Variants in SCFD2 observed in about 807,000 individuals in gnomAD.
The protein encoded by SCFD2 is sec1 family domain containing 2.
A neutral mutation model predicts 58.9 loss-of-function variants in SCFD2; 54 were observed. The observed-to-expected ratio is 0.92, with a 90% confidence interval of 0.74 to 1.15. The LOEUF (loss-of-function observed/expected upper bound fraction) is 1.15. SCFD2 is among the 50% of genes most tolerant of loss of function. The pLI is 0.00. For missense variants in SCFD2, 805 were observed against 836.6 expected, an observed-to-expected ratio of 0.96 and a Z score of 0.47; for synonymous variants, 321 against 335.9, an observed-to-expected ratio of 0.96 and a Z score of 0.49.
At chr4:53,184,223 G>GA (rs1727674944) in intron 4 of SCFD2, among the ~76,000 whole-genome samples, 1 of 152,008 alleles carries the variant, frequency 6.6e-6, no homozygotes, top group Non-Finnish European at 1.5e-5. Context: ...GTTACCTAGG[G>GA]AAAAAGACCA....
At chr4:52,934,973 C>T (rs1720099212) in intron 5 of SCFD2, among the ~76,000 whole-genome samples, 1 of 152,202 alleles carries the variant, frequency 6.6e-6, no homozygotes, top group African/African-American at 2.4e-5. Flanking sequence ...TATACAGTAG[C>T]CGCTAGCTAC....
At chr4:53,139,682 C>A (rs539683051) in intron 5 of SCFD2, among the ~76,000 whole-genome samples, 6 of 152,174 alleles carry the variant, frequency 3.9e-5, no homozygotes, top group African/African-American at 1.4e-4. Context: ...CCCCTCTGCC[C>A]GGCCGCCACC....
chr4:53,247,618 G>C (rs921761834), intron 4 of SCFD2, among the ~76,000 whole-genome samples: 9 of 151,926 alleles, frequency 5.9e-5, no homozygotes, highest in Non-Finnish European at 1.0e-4. Flanking sequence ...CCAGCACTTT[G>C]GGAGGCCGAG....
chr4:53,107,981 A>T (rs558610191), intron 5 of SCFD2, among the ~76,000 whole-genome samples: 1 of 151,018 alleles, frequency 6.6e-6, no homozygotes, highest in South Asian at 2.1e-4. Flanking sequence ...TGGAAGTAAA[A>T]TACTCAGCAA....
At chr4:53,362,684 C>A (rs200714976) in intron 1 of SCFD2, among the ~76,000 whole-genome samples, 57 of 146,898 alleles carry the variant, frequency 3.9e-4, no homozygotes, top group Admixed American at 3.4e-4. Flanking sequence ...TAAAATAAAG[C>A]AAAAAAAAAA....
At chr4:52,986,957 T>C (rs1348823998) in intron 5 of SCFD2, among the ~76,000 whole-genome samples, 1 of 152,226 alleles carries the variant, frequency 6.6e-6, no homozygotes, top group Non-Finnish European at 1.5e-5. Flanking sequence ...GGCTCAGCCC[T>C]GGTGAGAATT....
chr4:53,024,472 G>A (rs565021995), intron 5 of SCFD2, among the ~76,000 whole-genome samples: 1 of 152,252 alleles, frequency 6.6e-6, no homozygotes, highest in East Asian at 1.9e-4. Flanking sequence ...ACATAAAGTA[G>A]GCAAGCTATA....
At chr4:52,982,157 A>T (rs2109568703) in intron 5 of SCFD2, among the ~76,000 whole-genome samples, 1 of 152,300 alleles carries the variant, frequency 6.6e-6, no homozygotes, top group South Asian at 2.1e-4. Flanking sequence ...ATGGGAGGCT[A>T]GAAGTGGAAG....
chr4:52,917,641 A>G (rs1367912174), intron 6 of SCFD2, among the ~76,000 whole-genome samples: 2 of 151,308 alleles, frequency 1.3e-5, no homozygotes, highest in Non-Finnish European at 2.9e-5. Flanking sequence ...CATTGCCCCC[A>G]CTCTCCAGGC....
chr4:53,115,578 T>C (rs1399292126), intron 5 of SCFD2, among the ~76,000 whole-genome samples: 1 of 152,136 alleles, frequency 6.6e-6, no homozygotes, highest in Non-Finnish European at 1.5e-5. Flanking sequence ...TCCCTAAAGC[T>C]GAATAAAGGC....
chr4:52,995,074 A>G (rs1333752583), intron 5 of SCFD2, among the ~76,000 whole-genome samples: 2 of 152,138 alleles, frequency 1.3e-5, no homozygotes, highest in African/African-American at 2.4e-5. Context: ...AGTGCATTAC[A>G]TTTACTGTGT....
chr4:53,048,670 G>A (rs1212637906), intron 5 of SCFD2, among the ~76,000 whole-genome samples: 1 of 152,234 alleles, frequency 6.6e-6, no homozygotes. Context: ...GAGCCTGAAA[G>A]GTCAGGGCTG....
chr4:52,964,451 G>T (rs541644377), intron 5 of SCFD2, among the ~76,000 whole-genome samples: 1 of 152,208 alleles, frequency 6.6e-6, no homozygotes, highest in African/African-American at 2.4e-5. Context: ...TACCAAAAGG[G>T]GGTTCACATA....
chr4:53,159,407 G>A (rs1726788410), intron 4 of SCFD2, among the ~76,000 whole-genome samples: 1 of 152,082 alleles, frequency 6.6e-6, no homozygotes, highest in Non-Finnish European at 1.5e-5. Flanking sequence ...CGTCTCCAGG[G>A]CTTCCCAGTC....
rs558562835 is a variant in SCFD2 at position 53,124,947 on chromosome 4, T to TG, written c.1561+20385_1561+20386insC. Among the ~76,000 whole-genome samples the TG allele has an allele frequency of 2.0e-3, 302 of 152,338 alleles. 1 individual carries two copies. The highest frequency in any genetic ancestry group is 6.8e-3 in the African/African-American group (282 of 41,564). On this transcript the variant is annotated intron_variant, in intron 5 of 8. Coordinates refer to ENST00000401642, the MANE Select transcript of SCFD2 (RefSeq NM_152540.4). ...GCAATCCCTGAGATAGGTACTATTATATCCCCATTTTAGACATGGAGTAAC... is the reference window on the plus strand; with the variant it reads ...GCAATCCCTGAGATAGGTACTATTATGATCCCCATTTTAGACATGGAGTAAC...
rs566632234 is a variant in SCFD2 at position 53,074,662 on chromosome 4, G to A, written c.1561+70671C>T. Among the ~76,000 whole-genome samples, 3 of 152,254 alleles carry A rather than the reference G, an allele frequency of 2.0e-5. No individual in the cohort carries two copies. The East Asian group carries it at 5.8e-4, about 29-fold the overall frequency. On this transcript the variant is annotated intron_variant, in intron 5 of 8. Transcript: ENST00000401642. ...GCATAAGAACAACATTCATCTCCTT[G>A]TACATCTCTGTCAGAGCTCTTGGGT... is the stretch of plus-strand genomic sequence containing the variant.
At chr4:52,921,699 C>T (rs1458778344) in intron 5 of SCFD2, among the ~76,000 whole-genome samples, 2 of 152,130 alleles carry the variant, frequency 1.3e-5, no homozygotes, top group Admixed American at 6.5e-5. Flanking sequence ...CATACCCACT[C>T]GGTCACCCTG....
At chr4:53,064,299 C>T (rs762317479) in intron 5 of SCFD2, among the ~76,000 whole-genome samples, 2 of 151,960 alleles carry the variant, frequency 1.3e-5, no homozygotes, top group African/African-American at 2.4e-5. Context: ...TAGTCCCCAG[C>T]GTCTATTCTT....
intron 5 of SCFD2, among the ~76,000 whole-genome samples, chr4:53,141,776 A>AAGTTCGG (rs1726173254): frequency 1.3e-5 from 2 of 152,306 alleles, no homozygotes; most frequent in African/African-American, 4.8e-5. Context: ...TCAGTGATGT[A>AAGTTCGG]AGTTCTGGAG....
Sources: allele counts gnomAD v4.1 joint callset (sites outside exome capture counted in the v4.1 genomes callset), GRCh38; gene constraint gnomAD v4.1.1; transcripts MANE v1.5; gene names NCBI Gene and HGNC (gene_info 2026-07-23, HGNC 2026-07-21).